Variants in NAV3 observed in about 807,000 individuals in gnomAD.
NAV3 encodes pore membrane and/or filament interacting like protein 1.
Under a neutral mutation model 244.7 loss-of-function variants are expected in NAV3, and 87 were observed. The observed-to-expected ratio is 0.36, with a 90% CI of 0.30 to 0.42. The LOEUF is 0.42. Among genes scored for constraint, NAV3 ranks in the 20% least tolerant of loss-of-function variants. The probability of loss-of-function intolerance (pLI) is 1.00; values close to 1 mark genes in which losing one functional copy is unlikely to be tolerated. For missense variants in NAV3, 2,663 were observed against 2,893.3 expected (o/e 0.92, Z 1.83); for synonymous variants, 1,126 against 1,042.2 (o/e 1.08, Z -1.55).
At chr12:77,573,647 C>T (rs541310100) in intron 2 of NAV3, among the ~76,000 whole-genome samples, 4 of 152,254 alleles carry the variant, frequency 2.6e-5, no homozygotes, top group Admixed American at 2.6e-4. Context: ...AATTTAACTA[C>T]TAAGAAGCCA....
At chr12:77,802,348 A>G (rs939485446) in intron 2 of NAV3, among the ~76,000 whole-genome samples, 1 of 152,216 alleles carries the variant, frequency 6.6e-6, no homozygotes, top group African/African-American at 2.4e-5. Flanking sequence ...TCTTTCAACT[A>G]TAGTTGATTC....
chr12:77,872,062 G>A (rs2136464728), intron 1 of NAV3, among the ~76,000 whole-genome samples: 2 of 152,204 alleles, frequency 1.3e-5, no homozygotes, highest in Middle Eastern at 6.8e-3. Context: ...TTTTTCATAT[G>A]TTCGTCGGCT....
chr12:77,966,576 T>G (rs537030727), intron 4 of NAV3, among the ~76,000 whole-genome samples: 2 of 152,210 alleles, frequency 1.3e-5, no homozygotes, highest in Admixed American at 1.3e-4. Context: ...TATTACTAGT[T>G]TATAGTATAA....
chr12:77,698,030 T>C (rs1777892266), intron 2 of NAV3, among the ~76,000 whole-genome samples: 1 of 151,738 alleles, frequency 6.6e-6, no homozygotes, highest in South Asian at 2.1e-4. Flanking sequence ...TTTTTTTTCA[T>C]GCAGGAAGGG....
chr12:77,643,246 C>T (rs1872494141), intron 2 of NAV3, among the ~76,000 whole-genome samples: 1 of 151,866 alleles, frequency 6.6e-6, no homozygotes, highest in African/African-American at 2.4e-5. Flanking sequence ...TTTTAATAAC[C>T]TAAATTCATA....
intron 3 of NAV3, among the ~76,000 whole-genome samples, chr12:77,951,372 A>G (rs1890859575): frequency 6.6e-6 from 1 of 152,202 alleles, no homozygotes; most frequent in African/African-American, 2.4e-5. Flanking sequence ...GCAATGAGAT[A>G]CCATCTCACA....
intron 5 of NAV3, among the ~76,000 whole-genome samples, chr12:77,987,192 T>C (rs1385817782): frequency 6.6e-6 from 1 of 152,132 alleles, no homozygotes; most frequent in Non-Finnish European, 1.5e-5. Flanking sequence ...TTCTATAATA[T>C]CTTGGAAATC....
rs997961466 is a variant in NAV3 at position 77,753,855 on chromosome 12, G to C, written c.72+181589G>C. ...CTGAGGAAAGGATAAGTTGAAATACGTTCAAAAATATTGAATGAAAGATGT... is the reference window on the plus strand; with the variant it reads ...CTGAGGAAAGGATAAGTTGAAATACCTTCAAAAATATTGAATGAAAGATGT... On this transcript the variant is annotated intron_variant, in intron 2 of 8. Transcript: ENST00000550042. Among the ~76,000 whole-genome samples the C allele has an allele frequency of 3.3e-5, 5 of 152,082 alleles. 1 individual carries two copies. The highest frequency in any genetic ancestry group is 9.7e-5 in the African/African-American group (4 of 41,414).
Position 78,185,701 on chromosome 12 carries a change from ACTT to A in NAV3, c.5790+7_5790+9del. On this transcript the variant is annotated splice_donor_5th_base_variant and intron_variant, in intron 31 of 39. Coordinates refer to ENST00000397909, the MANE Select transcript of NAV3 (RefSeq NM_001024383.2). Reference sequence around the variant, plus strand: ...GCAAGGGCTATGGTCGAGCAAAGGTACTTCTTTAATCTTAAACTCTTTATTACT... The same window carrying A: ...GCAAGGGCTATGGTCGAGCAAAGGTACTTTAATCTTAAACTCTTTATTACT... The A allele has an allele frequency of 6.2e-7, 1 of 1,605,744 alleles. No homozygotes were observed. Among genetic ancestry groups the A allele is most frequent in the Non-Finnish European group, 8.5e-7 (1 of 1,175,526 alleles).
intron 2 of NAV3, among the ~76,000 whole-genome samples, chr12:77,624,774 C>T (rs1871542331): frequency 6.6e-6 from 1 of 152,210 alleles, no homozygotes; most frequent in Non-Finnish European, 1.5e-5. Flanking sequence ...TCAGATTTAA[C>T]CTCTTCGAGC....
At chr12:77,824,914 A>G (rs1415025792) in intron 2 of NAV3, among the ~76,000 whole-genome samples, 1 of 151,972 alleles carries the variant, frequency 6.6e-6, no homozygotes, top group Non-Finnish European at 1.5e-5. Flanking sequence ...AACAACAACA[A>G]CAACAACAAC....
At chr12:77,939,083 A>T (rs1889615246) in intron 1 of NAV3, among the ~76,000 whole-genome samples, 1 of 151,762 alleles carries the variant, frequency 6.6e-6, no homozygotes, top group African/African-American at 2.4e-5. Flanking sequence ...TAGTTTCTAT[A>T]CTTCTGGTTT....
At chr12:77,716,413 A>G (rs943769990) in intron 2 of NAV3, among the ~76,000 whole-genome samples, 11 of 151,912 alleles carry the variant, frequency 7.2e-5, no homozygotes, top group African/African-American at 2.4e-4. Context: ...TATTAAAAAT[A>G]AATGGTACAA....
At chr12:78,019,555 G>A (rs1876804328) in intron 8 of NAV3, among the ~76,000 whole-genome samples, 1 of 152,166 alleles carries the variant, frequency 6.6e-6, no homozygotes, top group Non-Finnish European at 1.5e-5. Flanking sequence ...GACTTTGCCT[G>A]ATGAGCGAAA....
intron 5 of NAV3, among the ~76,000 whole-genome samples, chr12:77,976,803 C>T (rs1378642893): frequency 1.1e-4 from 17 of 151,324 alleles, no homozygotes; most frequent in African/African-American, 2.9e-4. Flanking sequence ...CTCAGCCTCC[C>T]GAGTAGCTGG....
intron 2 of NAV3, among the ~76,000 whole-genome samples, chr12:77,662,317 C>T (rs538420521): frequency 3.3e-5 from 5 of 151,782 alleles, no homozygotes; most frequent in South Asian, 2.1e-4. Context: ...TTATAATTTT[C>T]GGTTTATGCG....
intron 7 of NAV3, among the ~76,000 whole-genome samples, chr12:77,999,399 G>A (rs1406799835): frequency 2.6e-5 from 4 of 152,156 alleles, no homozygotes; most frequent in African/African-American, 9.7e-5. Context: ...TGGCTAATTG[G>A]GATCAAATAA....
exon 2 of NAV3, chr12:77,571,883 T>C (rs531645614): frequency 6.6e-6 from 1 of 152,332 alleles, no homozygotes; most frequent in South Asian, 2.1e-4. Context: ...TGTCATTTTT[T>C]ATTAAAATGG....
intron 2 of NAV3, among the ~76,000 whole-genome samples, chr12:77,797,422 G>C (rs932219770): frequency 6.9e-6 from 1 of 145,600 alleles, no homozygotes; most frequent in African/African-American, 2.5e-5. Flanking sequence ...ATAAAAGTTT[G>C]TTATTATAGA....
Sources: gnomAD v4.1 joint callset for allele counts (sites outside exome capture counted in the v4.1 genomes callset) on GRCh38, gnomAD v4.1.1 for gene constraint, MANE v1.5 for transcripts, NCBI Gene and HGNC (gene_info 2026-07-23, HGNC 2026-07-21) for gene names.